Variants in SUSD4 observed in about 807,000 individuals in gnomAD.
The protein encoded by SUSD4 is sushi domain containing 4.
SUSD4 carries 41 observed loss-of-function variants against 50.5 expected under a neutral mutation model. The ratio of observed to expected loss-of-function variants is 0.81; its 90% CI spans 0.63 to 1.05. The LOEUF (loss-of-function observed/expected upper bound fraction) is 1.05, where lower values mean the gene tolerates loss of function less well. Ranked by LOEUF, SUSD4 falls within the 50% of genes least tolerant of loss-of-function variation. SUSD4 has a pLI of 0.00. For synonymous variants in SUSD4, 257 were observed against 257.3 expected, an observed-to-expected ratio of 1.00 and a Z score of 0.01; for missense variants, 580 against 634.7, an observed-to-expected ratio of 0.91 and a Z score of 0.93.
intron 4 of SUSD4, 91 bp from the exon 5 acceptor site, chr1:223,264,909 C>A: frequency 3.7e-6 from 5 of 1,337,112 alleles, no homozygotes; most frequent in Non-Finnish European, 5.1e-6. Context: ...TTTTAGGATT[C>A]CCCCACCTCT....
intron 3 of SUSD4, among the ~76,000 whole-genome samples, chr1:223,286,711 T>C (rs1004742662): frequency 1.3e-5 from 2 of 152,212 alleles, no homozygotes; most frequent in African/African-American, 4.8e-5. Flanking sequence ...TGGATGAGAA[T>C]TGCCTGCTTG....
intron 2 of SUSD4, among the ~76,000 whole-genome samples, chr1:223,354,379 T>C (rs1428681872): frequency 1.3e-5 from 2 of 149,704 alleles, no homozygotes; most frequent in Non-Finnish European, 3.0e-5. Context: ...CACAAAGCAA[T>C]GCTATAAACG....
At chr1:223,234,967 G>A in intron 5 of SUSD4, 2 of 1,586,520 alleles carry the variant, frequency 1.3e-6, no homozygotes, top group Non-Finnish European at 1.7e-6. Context: ...ACAGAGATGT[G>A]GTGGTGCTAG....
intron 2 of SUSD4, among the ~76,000 whole-genome samples, chr1:223,355,925 C>T (rs1198735498): frequency 6.6e-6 from 1 of 152,272 alleles, no homozygotes; most frequent in South Asian, 2.1e-4. Flanking sequence ...CTTGGGTACA[C>T]ATATAGGGTT....
At chr1:223,302,109 T>C (rs1019799571) in intron 2 of SUSD4, among the ~76,000 whole-genome samples, 6 of 152,142 alleles carry the variant, frequency 3.9e-5, no homozygotes, top group African/African-American at 1.4e-4. Flanking sequence ...TAAAAGTGTG[T>C]GGCACCTTCC....
intron 3 of SUSD4, among the ~76,000 whole-genome samples, chr1:223,269,386 C>T (rs1041725148): frequency 2.0e-5 from 3 of 152,108 alleles, no homozygotes; most frequent in South Asian, 2.1e-4. Context: ...AGTGAAGGAA[C>T]GACGAGCCCA....
chr1:223,258,734 A>G (rs1480832408), intron 5 of SUSD4, among the ~76,000 whole-genome samples: 2 of 152,176 alleles, frequency 1.3e-5, no homozygotes, highest in South Asian at 4.1e-4. Flanking sequence ...CAGATCCTAC[A>G]GTGATGTATT....
chr1:223,244,020 C>T (rs1342704559), intron 5 of SUSD4, among the ~76,000 whole-genome samples: 2 of 152,224 alleles, frequency 1.3e-5, no homozygotes, highest in Non-Finnish European at 2.9e-5. Context: ...TTGGTCCCAT[C>T]CTCAGATGAT....
intron 2 of SUSD4, among the ~76,000 whole-genome samples, chr1:223,300,509 G>T (rs959138036): frequency 6.6e-6 from 1 of 152,182 alleles, no homozygotes; most frequent in Non-Finnish European, 1.5e-5. Flanking sequence ...AAAGAGGTGT[G>T]AAAAGCAATC....
intron 7 of SUSD4, among the ~76,000 whole-genome samples, chr1:223,226,457 G>C (rs1477611797): frequency 1.3e-5 from 2 of 152,218 alleles, no homozygotes; most frequent in African/African-American, 2.4e-5. Context: ...CTGCCAGGCA[G>C]GGGAGAATTG....
At chr1:223,291,241 G>A (rs377749381) in intron 3 of SUSD4, among the ~76,000 whole-genome samples, 3 of 151,958 alleles carry the variant, frequency 2.0e-5, no homozygotes, top group East Asian at 3.9e-4. Flanking sequence ...GCCTGTAATC[G>A]CAGCACTTTG....
chr1:223,273,781 G>T (rs539330727), intron 3 of SUSD4, among the ~76,000 whole-genome samples: 1 of 152,144 alleles, frequency 6.6e-6, no homozygotes, highest in East Asian at 1.9e-4. Context: ...ATACATTGTT[G>T]CTGGAAAAAA....
intron 2 of SUSD4, among the ~76,000 whole-genome samples, chr1:223,312,613 T>G (rs1665944624): frequency 6.6e-6 from 1 of 152,196 alleles, no homozygotes; most frequent in African/African-American, 2.4e-5. Flanking sequence ...TCCCTGGTGC[T>G]TTGAAAACTC....
At chr1:223,344,530 G>A (rs1667927336) in intron 2 of SUSD4, among the ~76,000 whole-genome samples, 3 of 151,982 alleles carry the variant, frequency 2.0e-5, no homozygotes, top group Admixed American at 1.3e-4. Flanking sequence ...TGCACTGAAG[G>A]AATTGCTCAA....
At chr1:223,266,931 A>T (rs1662529196) in intron 4 of SUSD4, among the ~76,000 whole-genome samples, 1 of 152,248 alleles carries the variant, frequency 6.6e-6, no homozygotes, top group African/African-American at 2.4e-5. Flanking sequence ...TCTGTGCAGC[A>T]AGATGTGGGG....
intron 7 of SUSD4, among the ~76,000 whole-genome samples, chr1:223,226,002 C>G (rs893126718): frequency 6.6e-6 from 1 of 152,192 alleles, no homozygotes; most frequent in African/African-American, 2.4e-5. Flanking sequence ...GACTCAAGGG[C>G]TGAAGAACAT....
intron 7 of SUSD4, among the ~76,000 whole-genome samples, chr1:223,224,885 T>C (rs1659406211): frequency 6.9e-6 from 1 of 145,102 alleles, no homozygotes; most frequent in Admixed American, 6.8e-5. Context: ...TTTTTTTTTT[T>C]TTGAGATAGA....
chr1:223,363,608 G>C (rs1396956006), intron 1 of SUSD4, 148 bp from the exon 2 acceptor site: 3 of 933,828 alleles, frequency 3.2e-6, no homozygotes, highest in African/African-American at 3.4e-5. Context: ...CCTTTCCCAC[G>C]GCGAGGTCCC....
chr1:223,249,644 T>C (rs1661172430), intron 5 of SUSD4, among the ~76,000 whole-genome samples: 2 of 152,244 alleles, frequency 1.3e-5, no homozygotes, highest in African/African-American at 4.8e-5. Context: ...GGGTTCTATA[T>C]TATAGTTAGT....
Sources: allele counts gnomAD v4.1 joint callset (sites outside exome capture counted in the v4.1 genomes callset), GRCh38; gene constraint gnomAD v4.1.1; transcripts MANE v1.5; gene names NCBI Gene and HGNC (gene_info 2026-07-23, HGNC 2026-07-21).